Variants in OR6J1 observed in about 807,000 individuals in gnomAD.
OR6J1 encodes the protein olfactory receptor family 6 subfamily J member 1, also known as olfactory receptor 6J1.
For synonymous variants in OR6J1, 109 were observed against 70.0 expected, an observed-to-expected ratio of 1.56 and a Z score of -2.78; for missense variants, 304 against 166.8, an observed-to-expected ratio of 1.82 and a Z score of -4.53.
chr14:22,640,364 G>A (rs1422919701), intron 1 of OR6J1, among the ~76,000 whole-genome samples: 1 of 145,316 alleles, frequency 6.9e-6, no homozygotes, highest in Non-Finnish European at 1.5e-5. Context: ...GGAAGGAAGG[G>A]GGAAAAAAGA....
intron 1 of OR6J1, among the ~76,000 whole-genome samples, chr14:22,639,394 C>T (rs1176031090): frequency 0.018 from 2,153 of 123,020 alleles, 150 homozygotes; most frequent in African/African-American, 0.048. Context: ...CCAGCCGCCC[C>T]GTCCGGGAGG....
rs1364748942 is a variant in OR6J1, at chr14:22,643,754, CACACACACACAGAGAG to C, written c.-28+328_-28+343del. Among the ~76,000 whole-genome samples, 585 of 93,052 alleles carry C rather than the reference CACACACACACAGAGAG, an allele frequency of 6.3e-3. 5 individuals are homozygous for C. Among genetic ancestry groups the C allele is most frequent in the African/African-American group, 0.024 (566 of 23,516 alleles). 61.0% of individuals were successfully genotyped at this position (93,052 alleles called of 152,430 possible). On this transcript the variant is annotated intron_variant, in intron 1 of 1. Coordinates refer to ENST00000540461, the MANE Select transcript of OR6J1 (RefSeq NM_001348233.2). ...ACACACACACACACACACACACACACACACACACACAGAGAGAGAGAGAGAGAGAGAGAGAGAGAGA... is the reference window on the plus strand; with the variant it reads ...ACACACACACACACACACACACACACAGAGAGAGAGAGAGAGAGAGAGAGA...
chr14:22,639,319 G>T (rs1252729441), intron 1 of OR6J1, among the ~76,000 whole-genome samples: 1 of 130,626 alleles, frequency 7.7e-6, no homozygotes, highest in Non-Finnish European at 1.6e-5. Flanking sequence ...GGGAAGTGAG[G>T]AGCCCCTCTG....
rs905522866 is a variant in OR6J1, at chr14:22,633,273, A to T, written c.*495T>A. 1 of 156,304 alleles carries T rather than the reference A, an allele frequency of 6.4e-6. No individual in the cohort carries two copies. Among genetic ancestry groups the T allele is most frequent in the African/African-American group, 2.4e-5 (1 of 41,494 alleles). The allele number at this position is 156,304 out of a possible 1,614,324, so 9.7% of individuals were successfully genotyped here. On this transcript the variant is annotated 3_prime_UTR_variant, in exon 2 of 2. Transcript: ENST00000540461. Reference sequence around the variant, plus strand: ...AACATGTTCTATTACAGAAAGCAATATTATTAAATAACACAGATGACATGC... The same window carrying T: ...AACATGTTCTATTACAGAAAGCAATTTTATTAAATAACACAGATGACATGC...
intron 1 of OR6J1, among the ~76,000 whole-genome samples, chr14:22,635,762 T>A (rs943000952): frequency 6.6e-6 from 1 of 152,202 alleles, no homozygotes; most frequent in East Asian, 1.9e-4. Context: ...TAAAATTGAT[T>A]CCCAATCTCA....
intron 1 of OR6J1, among the ~76,000 whole-genome samples, chr14:22,643,762 C>G (rs3118893): frequency 0.31 from 14,875 of 48,770 alleles, 1,081 homozygotes; most frequent in African/African-American, 0.36. Context: ...CACACACACA[C>G]ACAGAGAGAG....
chr14:22,644,097 C>A lies in OR6J1; in HGVS notation c.-28+1G>T, dbSNP rs953905180. The A allele has an allele frequency of 6.6e-6, 1 of 152,452 alleles. No homozygotes were observed. The highest frequency in any genetic ancestry group is 1.5e-5 in the Non-Finnish European group (1 of 68,110). 9.4% of individuals were successfully genotyped at this position (152,452 alleles called of 1,614,324 possible). On this transcript the variant is annotated splice_donor_variant, in intron 1 of 1. Coordinates refer to ENST00000540461, the MANE Select transcript of OR6J1 (RefSeq NM_001348233.2). LOFTEE classifies it low-confidence loss of function (5UTR_SPLICE). Reference sequence around the variant, plus strand: ...ATGCCAAACGATTGGTCTGCACTCACCTCGGCTAGGGTTGCCTTATGCCAC... The same window carrying A: ...ATGCCAAACGATTGGTCTGCACTCAACTCGGCTAGGGTTGCCTTATGCCAC...
Position 22,634,719 on chromosome 14 carries a change from CA to C in OR6J1, c.92del (p.Leu31ArgfsTer6). ...CCAGAAGAGTCAGCAGGAACGTGGG[CA>C]GCAGGAGCACCAGGAGCAGCAGCTC... Reference protein sequence around the residue: ...EVELLLLVLLLPTFLLTLLGN... With the variant: ...EVELLLLVLLXPTFLLTLLGN... On this transcript the variant is annotated frameshift_variant, in exon 2 of 2. Coordinates refer to ENST00000540461, the MANE Select transcript of OR6J1 (RefSeq NM_001348233.2). LOFTEE classifies it low-confidence loss of function (END_TRUNC). The C allele has an allele frequency of 1.4e-6, 1 of 714,654 alleles. No individual in the cohort carries two copies. The highest frequency in any genetic ancestry group is 1.5e-5 in the South Asian group (1 of 68,360). The allele number at this position is 714,654 out of a possible 1,614,324, so 44.3% of individuals were successfully genotyped here. A position where few individuals can be genotyped will look rare whatever the true frequency, so the allele number is the denominator to read the frequency against.
chr14:22,642,312 A>AAT (rs71421135), intron 1 of OR6J1, among the ~76,000 whole-genome samples: 1,797 of 108,648 alleles, frequency 0.017, 20 homozygotes, highest in Non-Finnish European at 0.02. Context: ...TCAACTTAAG[A>AAT]ATATATATAT....
rs1205726881 is a variant in OR6J1 at position 22,634,304 on chromosome 14, A to G, written c.508T>C (p.Ser170Pro). ...ILISQLPFCGSNIINHFFCDS... is the reference protein window; with the variant it reads ...ILISQLPFCGPNIINHFFCDS... ...CAGAAGAAGTGGTTAATGATATTGG[A>G]GCCACAGAAGGGCAGCTGGGAGATG... Residue 170 changes from serine to proline, a missense_variant, in exon 2 of 2, where the codon TCC (serine) becomes CCC (proline). By Grantham distance (74) the Ser-to-Pro change is moderately conservative (BLOSUM62 -1). Transcript: ENST00000540461. The G allele has an allele frequency of 1.4e-6, 1 of 703,368 alleles. No individual in the cohort carries two copies. The highest frequency in any genetic ancestry group is 2.6e-6 in the Non-Finnish European group (1 of 385,014). The allele number at this position is 703,368 out of a possible 1,614,324, so 43.6% of individuals were successfully genotyped here.
At chr14:22,641,210 T>TAAGAAAGAGA (rs1555310964) in intron 1 of OR6J1, among the ~76,000 whole-genome samples, 3 of 122,480 alleles carry the variant, frequency 2.4e-5, no homozygotes, top group African/African-American at 9.4e-5. Context: ...GAGAGAAAGA[T>TAAGAAAGAGA]AAGAAAGAAA....
At chr14:22,643,801 A>G (rs1433866050) in intron 1 of OR6J1, among the ~76,000 whole-genome samples, 4 of 151,206 alleles carry the variant, frequency 2.6e-5, no homozygotes, top group Non-Finnish European at 5.9e-5. Context: ...AGAGAGAGAC[A>G]GCAGTTACTA....
intron 1 of OR6J1, among the ~76,000 whole-genome samples, chr14:22,638,135 A>G (rs1160535311): frequency 2.4e-5 from 2 of 82,866 alleles, no homozygotes; most frequent in African/African-American, 8.1e-5. Context: ...CCCGGCCACG[A>G]CCCCGTCTGG....
rs2037600833 is a variant in OR6J1 at position 22,637,573 on chromosome 14, C to T, written c.-27-2735G>A. Among the ~76,000 whole-genome samples the T allele has an allele frequency of 6.2e-5, 3 of 48,076 alleles. No individual in the cohort carries two copies. The South Asian group carries it at 2.1e-3, about 34-fold the overall frequency. 31.5% of individuals were successfully genotyped at this position (48,076 alleles called of 152,430 possible). A position where few individuals can be genotyped will look rare whatever the true frequency, so the allele number is the denominator to read the frequency against. ...CCCCTGCCCGGCCAGCCGCCCCGTC[C>T]GGGAGGGAGGTGGGGGGGTCAGCCC... On this transcript the variant is annotated intron_variant, in intron 1 of 1. Coordinates refer to ENST00000540461, the MANE Select transcript of OR6J1 (RefSeq NM_001348233.2).
chr14:22,643,764 C>CACACACACAGAGAGAGAGAGAG (rs1466950724), intron 1 of OR6J1, among the ~76,000 whole-genome samples: 6 of 37,692 alleles, frequency 1.6e-4, no homozygotes, highest in Admixed American at 5.9e-4. Context: ...CACACACACA[C>CACACACACAGAGAGAGAGAGAG]AGAGAGAGAG....
intron 1 of OR6J1, among the ~76,000 whole-genome samples, chr14:22,637,580 G>A (rs1250754264): frequency 9.4e-5 from 5 of 53,376 alleles, no homozygotes; most frequent in Non-Finnish European, 1.5e-4. Context: ...GTCCGGGAGG[G>A]AGGTGGGGGG....
chr14:22,641,538 A>AGAAG (rs1566398059), intron 1 of OR6J1, among the ~76,000 whole-genome samples: 1 of 142,910 alleles, frequency 7.0e-6, no homozygotes, highest in African/African-American at 2.6e-5. Context: ...AAGGAAAGAA[A>AGAAG]GAAGGAAGGA....
chr14:22,641,210 T>TAAAGAAAGAAAGA (rs1163938326), intron 1 of OR6J1, among the ~76,000 whole-genome samples: 2,254 of 122,554 alleles, frequency 0.018, 240 homozygotes, highest in African/African-American at 0.025. Context: ...GAGAGAAAGA[T>TAAAGAAAGAAAGA]AAGAAAGAAA....
chr14:22,641,467 A>AAAAG (rs1390018724), intron 1 of OR6J1, among the ~76,000 whole-genome samples: 5 of 41,792 alleles, frequency 1.2e-4, no homozygotes, highest in Non-Finnish European at 2.7e-4. Flanking sequence ...GAAAGAAAGA[A>AAAAG]AAAGAAAGAA....
Sources: allele counts gnomAD v4.1 joint callset (sites outside exome capture counted in the v4.1 genomes callset), GRCh38; gene constraint gnomAD v4.1.1; transcripts MANE v1.5; gene names NCBI Gene and HGNC (gene_info 2026-07-23, HGNC 2026-07-21).